BTG4: variants seen among roughly 807,000 people sequenced by gnomAD.
BTG4 encodes the protein BTG anti-proliferation factor 4.
BTG4 carries 10 observed loss-of-function variants against 19.3 expected under a neutral mutation model. The observed-to-expected ratio is 0.52, with a 90% CI of 0.32 to 0.88. BTG4 has a LOEUF of 0.88. Ranked by LOEUF, BTG4 falls within the 40% of genes least tolerant of loss-of-function variation. The pLI is 0.04. For synonymous variants in BTG4, 91 were observed against 95.7 expected (o/e 0.95, Z 0.29); for missense variants, 238 against 281.9 (o/e 0.84, Z 1.11).
chr11:111,442,546 C>CACACACACACACACA, the BTG4 span, among the ~76,000 whole-genome samples: 66 of 141,678 alleles, frequency 4.7e-4, no homozygotes, highest in East Asian at 1.7e-3. Context: ...ACACACACAC[C>CACACACACACACACA]AGATGAGCCT....
the BTG4 span, among the ~76,000 whole-genome samples, chr11:111,428,410 C>T: frequency 6.6e-6 from 1 of 152,170 alleles, no homozygotes; most frequent in African/African-American, 2.4e-5. Context: ...CATCTCTGTC[C>T]TGCAATCCTC....
At chr11:111,435,866 C>T in the BTG4 span, among the ~76,000 whole-genome samples, 3 of 152,148 alleles carry the variant, frequency 2.0e-5, no homozygotes, top group Non-Finnish European at 4.4e-5. Context: ...GCCTCAGAGC[C>T]CAGCTGTAAG....
chr11:111,388,335 GT>G, the BTG4 span, among the ~76,000 whole-genome samples: 184 of 141,270 alleles, frequency 1.3e-3, no homozygotes, highest in East Asian at 4.7e-3. Flanking sequence ...GGAGGTGTGT[GT>G]TTTTTTTTTT....
chr11:111,417,038 C>T, the BTG4 span: 1 of 152,180 alleles, frequency 6.6e-6, no homozygotes, highest in East Asian at 1.9e-4. Flanking sequence ...TTTAGTTAAA[C>T]TTTGAGGGAC....
intron 5 of BTG4, chr11:111,469,816 C>G (rs1565440495): frequency 6.5e-6 from 1 of 152,722 alleles, no homozygotes; most frequent in Non-Finnish European, 1.5e-5. Flanking sequence ...GGGAAGCATT[C>G]CCTATCACAC....
chr11:111,387,768 T>C, the BTG4 span, among the ~76,000 whole-genome samples: 2 of 152,216 alleles, frequency 1.3e-5, no homozygotes, highest in African/African-American at 4.8e-5. Context: ...CTGATAGTTA[T>C]TACTTTTGGT....
chr11:111,506,947 A>T (rs1012333868), intron 1 of BTG4, among the ~76,000 whole-genome samples: 2 of 152,106 alleles, frequency 1.3e-5, no homozygotes, highest in East Asian at 3.8e-4. Context: ...AGCAGAAAGG[A>T]CAATGTGAAC....
At chr11:111,477,067 A>G (rs1864437170) in intron 5 of BTG4, among the ~76,000 whole-genome samples, 1 of 152,146 alleles carries the variant, frequency 6.6e-6, no homozygotes, top group South Asian at 2.1e-4. Flanking sequence ...CCTTTTTTCT[A>G]TATTCCTCAT....
At chr11:111,480,007 A>G (rs1480825682) in intron 5 of BTG4, among the ~76,000 whole-genome samples, 1 of 152,134 alleles carries the variant, frequency 6.6e-6, no homozygotes, top group East Asian at 1.9e-4. Flanking sequence ...TTATAATTGC[A>G]ATAAATGCAA....
chr11:111,483,686 A>G (rs1470103713), intron 5 of BTG4, among the ~76,000 whole-genome samples: 5 of 152,166 alleles, frequency 3.3e-5, no homozygotes, highest in Non-Finnish European at 7.4e-5. Flanking sequence ...CAGTCAGAGA[A>G]GAGAAAAGAA....
chr11:111,470,237 C>A (rs1290543252), intron 5 of BTG4, among the ~76,000 whole-genome samples: 2 of 152,142 alleles, frequency 1.3e-5, no homozygotes. Flanking sequence ...GTGCACACCA[C>A]CATCCCGGCA....
At chr11:111,495,879 T>C (rs938558788) in intron 4 of BTG4, among the ~76,000 whole-genome samples, 1 of 152,322 alleles carries the variant, frequency 6.6e-6, no homozygotes, top group South Asian at 2.1e-4. Context: ...ATATAGCAGG[T>C]CTTTGAATAA....
the BTG4 span, chr11:111,456,635 G>A: frequency 2.3e-6 from 1 of 432,834 alleles, no homozygotes; most frequent in South Asian, 1.6e-5. The surrounding 1 kb of genome is among the most constrained non-coding windows in gnomAD (Gnocchi z 4.2). Flanking sequence ...ATACCCCCTG[G>A]CTACTTCATC....
intron 1 of BTG4, among the ~76,000 whole-genome samples, chr11:111,499,678 C>A (rs1053968103): frequency 6.6e-6 from 1 of 152,160 alleles, no homozygotes; most frequent in Admixed American, 6.5e-5. Flanking sequence ...AGATTTCTTA[C>A]AAAATTTGTT....
the BTG4 span, among the ~76,000 whole-genome samples, chr11:111,437,224 C>A: frequency 1.1e-4 from 16 of 152,024 alleles, no homozygotes; most frequent in Admixed American, 6.6e-5. Flanking sequence ...ATCCACTACA[C>A]CCCCTCAGAG....
chr11:111,404,561 C>T, the BTG4 span: 5 of 455,856 alleles, frequency 1.1e-5, no homozygotes, highest in African/African-American at 6.0e-5. Flanking sequence ...GTGCCCTCTG[C>T]TCTCCTCACT....
the BTG4 span, chr11:111,455,593 C>T: frequency 3.5e-6 from 1 of 284,280 alleles, no homozygotes; most frequent in Admixed American, 3.9e-5. Flanking sequence ...TCAGAGAAAT[C>T]CTCTCCGGCT....
At chr11:111,426,654 T>C in the BTG4 span, among the ~76,000 whole-genome samples, 3 of 152,046 alleles carry the variant, frequency 2.0e-5, no homozygotes, top group Non-Finnish European at 4.4e-5. Flanking sequence ...CAGGCCGGCC[T>C]GAATTCCAGA....
At chr11:111,459,619 T>A in the BTG4 span, 1 of 152,698 alleles carries the variant, frequency 6.5e-6, no homozygotes, top group Non-Finnish European at 1.5e-5. Flanking sequence ...CCCCTGGTGT[T>A]GGGAATGATG....
Sources: allele counts gnomAD v4.1 joint callset (sites outside exome capture counted in the v4.1 genomes callset), GRCh38; gene constraint gnomAD v4.1.1; non-coding constraint Gnocchi (gnomAD v3.1); transcripts MANE v1.5; gene names NCBI Gene and HGNC (gene_info 2026-07-23, HGNC 2026-07-21).